Variants in ANKFY1 observed in about 807,000 individuals in gnomAD.
ANKFY1 encodes ankyrin repeat and FYVE domain containing 1, also known as ankyrin repeat and FYVE domain-containing protein 1.
Under a neutral mutation model 128.3 loss-of-function variants are expected in ANKFY1, and 47 were observed. The observed-to-expected ratio is 0.37, with a 90% CI of 0.29 to 0.47. ANKFY1 has a LOEUF of 0.47. Among genes scored for constraint, ANKFY1 ranks in the 20% least tolerant of loss-of-function variants. ANKFY1 has a pLI of 1.00. For synonymous variants in ANKFY1, 553 were observed against 601.6 expected, an observed-to-expected ratio of 0.92 and a Z score of 1.18; for missense variants, 1,222 against 1,510.6, an observed-to-expected ratio of 0.81 and a Z score of 3.17.
intron 1 of ANKFY1, among the ~76,000 whole-genome samples, chr17:4,258,472 C>T (rs757927861): frequency 1.3e-4 from 20 of 149,656 alleles, no homozygotes; most frequent in Admixed American, 1.3e-4. Flanking sequence ...TGCAGTGAGC[C>T]GAGATCGCAC....
intron 1 of ANKFY1, among the ~76,000 whole-genome samples, chr17:4,254,591 A>C (rs1481609250): frequency 6.6e-6 from 1 of 152,176 alleles, no homozygotes; most frequent in Non-Finnish European, 1.5e-5. Context: ...GAATCATAAG[A>C]ACACGTTTCT....
chr17:4,204,111 T>C (rs2059982116), intron 7 of ANKFY1, among the ~76,000 whole-genome samples: 4 of 152,174 alleles, frequency 2.6e-5, no homozygotes. Context: ...TTCTAATGTG[T>C]GCTCAGACTA....
chr17:4,219,618 G>C (rs1329272008), intron 3 of ANKFY1, among the ~76,000 whole-genome samples: 1 of 152,036 alleles, frequency 6.6e-6, no homozygotes, highest in Non-Finnish European at 1.5e-5. Flanking sequence ...GGAGCAGCTT[G>C]AAGGGGGCAA....
chr17:4,241,365 C>T (rs1181046908), intron 2 of ANKFY1, among the ~76,000 whole-genome samples: 2 of 150,408 alleles, frequency 1.3e-5, no homozygotes, highest in East Asian at 3.9e-4. Context: ...CTGCAAGCTC[C>T]ATCTCCCGGG....
intron 1 of ANKFY1, chr17:4,263,619 G>A (rs766620837): frequency 4.8e-5 from 74 of 1,534,820 alleles, no homozygotes; most frequent in Non-Finnish European, 6.2e-5. Context: ...CGGCACCGCC[G>A]GCAATCAAGA....
intron 10 of ANKFY1, among the ~76,000 whole-genome samples, chr17:4,191,566 G>A (rs1316665872): frequency 6.6e-6 from 1 of 151,274 alleles, no homozygotes; most frequent in African/African-American, 2.4e-5. Flanking sequence ...CCTAGTTGAT[G>A]GTTGCTCTAA....
At chr17:4,254,125 G>A (rs949078922) in intron 1 of ANKFY1, among the ~76,000 whole-genome samples, 3 of 152,012 alleles carry the variant, frequency 2.0e-5, no homozygotes, top group Admixed American at 2.0e-4. Flanking sequence ...CTAACACGGT[G>A]AAACCCCATC....
chr17:4,182,116 C>G, intron 15 of ANKFY1, 65 bp downstream of exon 15: 1 of 1,350,330 alleles, frequency 7.4e-7, no homozygotes, highest in Admixed American at 2.6e-5. Context: ...ACGCAGGCAG[C>G]AGATCCATCT....
Position 4,178,753 on chromosome 17 carries a change from A to ACC in ANKFY1, c.2598+103_2598+104insGG, listed in dbSNP as rs2059453818. ...GGACAGGAGTACAACTTCAAAACAAAGCTCTTTCCATGAGGAGACCTGTTT... is the reference window on the plus strand; with the variant it reads ...GGACAGGAGTACAACTTCAAAACAAACCGCTCTTTCCATGAGGAGACCTGTTT... On this transcript the variant is annotated intron_variant, in intron 18 of 24. Coordinates refer to ENST00000341657, the MANE Select transcript of ANKFY1 (RefSeq NM_001330063.2). The surrounding 1 kb of genome is among the most constrained non-coding windows in gnomAD (Gnocchi z 4.1). 4 of 1,138,654 alleles carry ACC rather than the reference A, an allele frequency of 3.5e-6. No homozygotes were observed. Among genetic ancestry groups the ACC allele is most frequent in the Non-Finnish European group, 5.1e-6 (4 of 777,480 alleles). 70.5% of individuals were successfully genotyped at this position (1,138,654 alleles called of 1,614,324 possible).
chr17:4,229,781 G>C (rs755538903), intron 3 of ANKFY1, among the ~76,000 whole-genome samples: 13 of 152,170 alleles, frequency 8.5e-5, no homozygotes, highest in African/African-American at 3.1e-4. Context: ...TGACATGGCC[G>C]CTAACGTTCC....
chr17:4,179,265 G>A (rs1207144821), intron 17 of ANKFY1: 13 of 611,768 alleles, frequency 2.1e-5, no homozygotes, highest in East Asian at 2.0e-4. Flanking sequence ...AGTGGTGACC[G>A]TAGGACCAGC....
rs773888891 is a variant in ANKFY1 at position 4,179,756 on chromosome 17, A to G, written c.2362T>C (p.Cys788Arg). ...ACGTTGGCACCAAACTCCAGAAGACACTGTACTGTCTCTTCCAGCCCCCAA... is the reference window on the plus strand; with the variant it reads ...ACGTTGGCACCAAACTCCAGAAGACGCTGTACTGTCTCTTCCAGCCCCCAA... ...ASWGLEETVQ[C>R]LLEFGANVNA... The change falls in exon 17 of 25, where the codon TGT becomes CGT. Residue 788 changes from cysteine (C) to arginine (R), a missense_variant. Cys to Arg is a radical substitution (Grantham distance 180). Coordinates refer to ENST00000341657, the MANE Select transcript of ANKFY1 (RefSeq NM_001330063.2). 8 of 1,614,090 alleles carry G rather than the reference A, an allele frequency of 5.0e-6. No individual in the cohort carries two copies. In the Middle Eastern group the frequency reaches 4.9e-4, roughly 99 times the overall value.
At position 4,202,791 on chromosome 17, in the gene ANKFY1, A is replaced by T. The variant is rs1380041471; in HGVS notation, c.898+3530T>A. On this transcript the variant is annotated intron_variant, in intron 7 of 24. Coordinates refer to ENST00000341657, the MANE Select transcript of ANKFY1 (RefSeq NM_001330063.2). ...AATGTATAATACACCAAACATACAG[A>T]AGATAAACTGGGCAATACTGCACAG... 3.3e-5 allele frequency among the ~76,000 whole-genome samples: 5 copies of T among 151,542 alleles called. No homozygotes were observed. The East Asian group carries it at 9.6e-4, about 29-fold the overall frequency.
chr17:4,186,904 T>C (rs1312412642), intron 11 of ANKFY1: 7 of 1,092,968 alleles, frequency 6.4e-6, no homozygotes, highest in South Asian at 9.0e-5. Flanking sequence ...CTTAAATGTG[T>C]AGAAATTCAA....
chr17:4,234,920 T>A (rs1966865475), intron 3 of ANKFY1, among the ~76,000 whole-genome samples: 1 of 152,202 alleles, frequency 6.6e-6, no homozygotes, highest in African/African-American at 2.4e-5. Flanking sequence ...CAAATTAACA[T>A]ATCCACCATC....
intron 3 of ANKFY1, among the ~76,000 whole-genome samples, chr17:4,227,921 G>C (rs2060451605): frequency 6.6e-6 from 1 of 152,094 alleles, no homozygotes; most frequent in African/African-American, 2.4e-5. Context: ...CGGCTAATGG[G>C]AATGTAAAAT....
At chr17:4,197,349 C>T in intron 8 of ANKFY1, 24 bp downstream of exon 8, 1 of 1,612,432 alleles carries the variant, frequency 6.2e-7, no homozygotes, top group South Asian at 1.1e-5. Context: ...GTGCTAAGGG[C>T]ACAGTGTCTG....
intron 10 of ANKFY1, 168 bp downstream of exon 10, chr17:4,194,810 A>T: frequency 1.5e-6 from 1 of 661,922 alleles, no homozygotes. Flanking sequence ...GAAGCACAGG[A>T]TTTTTAAAAA....
chr17:4,233,078 T>A (rs7213815), intron 3 of ANKFY1, among the ~76,000 whole-genome samples: 140,454 of 152,182 alleles, frequency 0.92, 65,913 homozygotes, highest in East Asian at 1. Context: ...CCTATTTGTA[T>A]CGTCACTGGC....
Sources: gnomAD v4.1 joint callset for allele counts (sites outside exome capture counted in the v4.1 genomes callset) on GRCh38, gnomAD v4.1.1 for gene constraint, Gnocchi (gnomAD v3.1) non-coding constraint, MANE v1.5 for transcripts, NCBI Gene and HGNC (gene_info 2026-07-23, HGNC 2026-07-21) for gene names.